COX10: variants seen among roughly 807,000 people sequenced by gnomAD.
The protein encoded by COX10 is protoheme IX farnesyltransferase, mitochondrial.
Under a neutral mutation model 37.3 loss-of-function variants are expected in COX10, and 27 were observed. The ratio of observed to expected loss-of-function variants is 0.72; its 90% CI spans 0.53 to 1.00. The LOEUF (loss-of-function observed/expected upper bound fraction) is 1.00, where lower values mean the gene tolerates loss of function less well. COX10 is among the 50% of genes least tolerant of loss of function. COX10 has a pLI of 0.00. For synonymous variants in COX10, 222 were observed against 229.1 expected, an observed-to-expected ratio of 0.97 and a Z score of 0.28; for missense variants, 475 against 563.2, an observed-to-expected ratio of 0.84 and a Z score of 1.59.
intron 5 of COX10, among the ~76,000 whole-genome samples, chr17:14,164,887 C>T (rs1905243623): frequency 1.3e-5 from 2 of 152,156 alleles, no homozygotes; most frequent in South Asian, 2.1e-4. Flanking sequence ...AAAGAGATCA[C>T]GTAGGGAAAG....
intron 6 of COX10, among the ~76,000 whole-genome samples, chr17:14,192,540 A>G (rs530154103): frequency 1.3e-5 from 2 of 152,332 alleles, no homozygotes; most frequent in African/African-American, 2.4e-5. Context: ...AAACGAAGCT[A>G]GGACTAACGA....
At chr17:14,075,211 C>G (rs1390245398) in intron 2 of COX10, among the ~76,000 whole-genome samples, 2 of 152,246 alleles carry the variant, frequency 1.3e-5, no homozygotes, top group South Asian at 2.1e-4. Flanking sequence ...ATTTAAATTT[C>G]TAGAAATGTT....
At chr17:14,138,021 T>A (rs1904430606) in intron 4 of COX10, among the ~76,000 whole-genome samples, 1 of 151,658 alleles carries the variant, frequency 6.6e-6, no homozygotes, top group Admixed American at 6.6e-5. Context: ...TCAACCAAAT[T>A]TCTTACTCTG....
Position 14,207,390 on chromosome 17 carries a change from A to G in COX10, c.*177A>G. ...TAAATATTACCCAAAATGCTCCCCA[A>G]ATAAGAAATGCATCAGCTCAGTCAG... On this transcript the variant is annotated 3_prime_UTR_variant, in exon 7 of 7. Transcript: ENST00000261643. 1 of 800,856 alleles carries G rather than the reference A, an allele frequency of 1.2e-6. No homozygotes were observed. The highest frequency in any genetic ancestry group is 1.9e-6 in the Non-Finnish European group (1 of 530,804). The allele number at this position is 800,856 out of a possible 1,614,324, so 49.6% of individuals were successfully genotyped here.
At chr17:14,142,656 C>T (rs1904581380) in intron 4 of COX10, among the ~76,000 whole-genome samples, 1 of 152,256 alleles carries the variant, frequency 6.6e-6, no homozygotes, top group Admixed American at 6.5e-5. Flanking sequence ...TTATTGGAAA[C>T]TCTTAATAAT....
chr17:14,191,722 GA>G (rs1447202948), intron 5 of COX10, among the ~76,000 whole-genome samples: 1 of 152,174 alleles, frequency 6.6e-6, no homozygotes, highest in Non-Finnish European at 1.5e-5. Flanking sequence ...GAACCTATAT[GA>G]ATCCAGAACA....
chr17:14,199,356 G>T (rs759877824), intron 6 of COX10, among the ~76,000 whole-genome samples: 2 of 152,208 alleles, frequency 1.3e-5, no homozygotes, highest in Non-Finnish European at 2.9e-5. Flanking sequence ...AAGATGGAAA[G>T]ACCTTCCAAT....
chr17:14,096,679 T>G (rs1437655955), intron 3 of COX10, among the ~76,000 whole-genome samples: 2 of 151,854 alleles, frequency 1.3e-5, no homozygotes, highest in East Asian at 3.9e-4. Flanking sequence ...AAAAAAATTT[T>G]TTTGTTTTGT....
At chr17:14,136,404 A>G (rs563163328) in intron 4 of COX10, among the ~76,000 whole-genome samples, 17 of 152,128 alleles carry the variant, frequency 1.1e-4, no homozygotes, top group African/African-American at 4.1e-4. Flanking sequence ...GTAATTATAC[A>G]TACCTTTTTT....
chr17:14,184,716 A>T (rs978496343), intron 5 of COX10, among the ~76,000 whole-genome samples: 5 of 152,222 alleles, frequency 3.3e-5, no homozygotes, highest in African/African-American at 9.6e-5. Context: ...ACATGCCAAG[A>T]GATATATAAT....
At chr17:14,182,989 G>C (rs1002260426) in intron 5 of COX10, among the ~76,000 whole-genome samples, 1 of 151,776 alleles carries the variant, frequency 6.6e-6, no homozygotes, top group Non-Finnish European at 1.5e-5. Context: ...TTATACTTTC[G>C]TAGAGCTATG....
intron 6 of COX10, among the ~76,000 whole-genome samples, chr17:14,192,729 A>G (rs573544762): frequency 3.9e-5 from 6 of 152,024 alleles, no homozygotes; most frequent in Admixed American, 2.0e-4. Flanking sequence ...TAGTAAAACT[A>G]TTGAAAGATT....
intron 4 of COX10, among the ~76,000 whole-genome samples, chr17:14,136,254 A>G (rs574304778): frequency 6.6e-6 from 1 of 152,134 alleles, no homozygotes; most frequent in South Asian, 2.1e-4. Context: ...ATATTTGGGT[A>G]TGCAAACAAG....
chr17:14,125,854 T>C (rs1038065553), intron 4 of COX10, among the ~76,000 whole-genome samples: 1 of 152,196 alleles, frequency 6.6e-6, no homozygotes, highest in Non-Finnish European at 1.5e-5. Context: ...GCTTCATGCA[T>C]AACTTGTTCT....
At chr17:14,147,316 A>G (rs552455737) in intron 4 of COX10, among the ~76,000 whole-genome samples, 12 of 152,336 alleles carry the variant, frequency 7.9e-5, no homozygotes, top group African/African-American at 2.4e-4. Flanking sequence ...CTATTCCACC[A>G]TTAAAAAGGA....
intron 1 of COX10, among the ~76,000 whole-genome samples, chr17:14,070,308 T>C (rs927365018): frequency 6.6e-6 from 1 of 152,192 alleles, no homozygotes; most frequent in African/African-American, 2.4e-5. Flanking sequence ...CCCCTACTTC[T>C]TTCTTTTCAC....
intron 3 of COX10, among the ~76,000 whole-genome samples, chr17:14,088,417 T>C (rs1466630670): frequency 6.6e-6 from 1 of 151,388 alleles, no homozygotes; most frequent in Non-Finnish European, 1.5e-5. Flanking sequence ...TACAAATGCT[T>C]TAGCCAAAGT....
At chr17:14,191,146 C>T (rs1906188492) in intron 5 of COX10, among the ~76,000 whole-genome samples, 1 of 151,908 alleles carries the variant, frequency 6.6e-6, no homozygotes, top group South Asian at 2.1e-4. Flanking sequence ...CTAGTAGATC[C>T]AATTTATCTA....
intron 5 of COX10, among the ~76,000 whole-genome samples, chr17:14,186,447 G>A (rs1252846986): frequency 6.6e-6 from 1 of 151,640 alleles, no homozygotes; most frequent in East Asian, 1.9e-4. Context: ...CCATCCATCG[G>A]GTCTCAGTTT....
Sources: allele counts gnomAD v4.1 joint callset (sites outside exome capture counted in the v4.1 genomes callset), GRCh38; gene constraint gnomAD v4.1.1; transcripts MANE v1.5; gene names NCBI Gene and HGNC (gene_info 2026-07-23, HGNC 2026-07-21).